TVP23A: variants seen among roughly 807,000 people sequenced by gnomAD.
TVP23A encodes trans-golgi network vesicle protein 23 homolog A, also known as Golgi apparatus membrane protein TVP23 homolog A.
TVP23A carries 21 observed loss-of-function variants against 31.7 expected under a neutral mutation model. The observed-to-expected ratio is 0.66, with a 90% CI of 0.47 to 0.95. The LOEUF is 0.95. Ranked by LOEUF, TVP23A falls within the 40% of genes least tolerant of loss-of-function variation. TVP23A has a pLI of 0.00. For missense variants in TVP23A, 279 were observed against 255.6 expected (o/e 1.09, Z -0.62); for synonymous variants, 104 against 96.0 (o/e 1.08, Z -0.49).
chr16:10,814,986 T>C (rs1329877762), intron 2 of TVP23A, among the ~76,000 whole-genome samples: 2 of 152,158 alleles, frequency 1.3e-5, no homozygotes, highest in Non-Finnish European at 2.9e-5. Context: ...ATGGTATATC[T>C]ACCCTTCCCA....
intron 2 of TVP23A, among the ~76,000 whole-genome samples, chr16:10,815,248 C>CA (rs1335986242): frequency 6.6e-6 from 1 of 151,972 alleles, no homozygotes; most frequent in African/African-American, 2.4e-5. Context: ...CAAAACAAAA[C>CA]AAAAAACATA....
Position 10,818,372 on chromosome 16 carries a change from A to C in TVP23A, c.9+113T>G. On this transcript the variant is annotated intron_variant, in intron 1 of 7. Coordinates refer to ENST00000299866, the MANE Select transcript of TVP23A (RefSeq NM_001079512.4). The surrounding 1 kb of genome is among the most constrained non-coding windows in gnomAD (Gnocchi z 4.7). ...CTCCACCCTCCCGACCACCGGGTGC[A>C]GCCCAGCCCCAGGCCCCGGCGCATC... 6.7e-7 allele frequency: 1 copy of C among 1,481,950 alleles called. No individual in the cohort carries two copies. The highest frequency in any genetic ancestry group is 2.0e-5 in the Admixed American group (1 of 50,988). 91.8% of individuals were successfully genotyped at this position (1,481,950 alleles called of 1,614,324 possible). A position where few individuals can be genotyped will look rare whatever the true frequency, so the allele number is the denominator to read the frequency against.
intron 2 of TVP23A, among the ~76,000 whole-genome samples, chr16:10,776,583 A>C (rs1188945503): frequency 6.6e-6 from 1 of 152,176 alleles, no homozygotes; most frequent in Non-Finnish European, 1.5e-5. Flanking sequence ...CCCAGTTGTT[A>C]TACCAGAAAG....
chr16:10,761,093 C>G (rs1273796540), downstream of TVP23A: 2 of 325,150 alleles, frequency 6.2e-6, no homozygotes, highest in African/African-American at 4.3e-5. Context: ...CTCGTGAAAA[C>G]TCACTATCGA....
chr16:10,770,514 G>A (rs537717417), intron 6 of TVP23A, among the ~76,000 whole-genome samples, 183 bp from the exon 7 acceptor site: 1 of 151,798 alleles, frequency 6.6e-6, no homozygotes, highest in Non-Finnish European at 1.5e-5. Flanking sequence ...GGATGAACCT[G>A]GTCAAATTTC....
intron 2 of TVP23A, among the ~76,000 whole-genome samples, chr16:10,801,185 G>C (rs2033677791): frequency 6.6e-6 from 1 of 151,438 alleles, no homozygotes; most frequent in East Asian, 1.9e-4. Flanking sequence ...GGTAGTGGAT[G>C]ACGAAAGAAA....
chr16:10,776,844 C>T (rs768335420), intron 2 of TVP23A, among the ~76,000 whole-genome samples: 105 of 152,234 alleles, frequency 6.9e-4, no homozygotes, highest in Non-Finnish European at 6.0e-4. Flanking sequence ...AACTTCCAGA[C>T]GTTGCCATGA....
At position 10,814,931 on chromosome 16, in the gene TVP23A, A is replaced by G. The variant is rs556545638; in HGVS notation, c.89+3172T>C. Among the ~76,000 whole-genome samples, 42 of 152,286 alleles carry G rather than the reference A, an allele frequency of 2.8e-4. No homozygotes were observed. In the South Asian group the frequency reaches 3.3e-3, roughly 12 times the overall value. On this transcript the variant is annotated intron_variant, in intron 2 of 7. Coordinates refer to ENST00000299866, the MANE Select transcript of TVP23A (RefSeq NM_001079512.4). ...CTTCCCAGCACCTGGGTCTTGAGCC[A>G]CATGGAACCACCCTAAATTCATGAC...
At chr16:10,761,865 T>A (rs754861381), downstream of TVP23A, 45 of 1,610,720 alleles carry the variant, frequency 2.8e-5, 2 homozygotes, top group South Asian at 4.4e-4. Context: ...CATAGGTGGG[T>A]GACCCCAGTG....
chr16:10,758,169 A>G (rs1596458916), downstream of TVP23A: 16 of 953,054 alleles, frequency 1.7e-5, no homozygotes, highest in Non-Finnish European at 2.3e-5. Flanking sequence ...GGGTCTGCAG[A>G]AACCTCGTGT....
chr16:10,757,764 G>A, downstream of TVP23A: 2 of 1,399,982 alleles, frequency 1.4e-6, no homozygotes, highest in Non-Finnish European at 2.0e-6. The surrounding 1 kb of genome is among the most constrained non-coding windows in gnomAD (Gnocchi z 4.1). Context: ...AGAGTTAAGA[G>A]CCAACCTGGG....
Position 10,766,877 on chromosome 16 carries a change from A to T in TVP23A, c.*2225T>A, listed in dbSNP as rs1567269012. ...TTACGGCATACGTCCTATGGAGAGG[A>T]CATTTCCTGTTATGGCTCAAGTGCG... On this transcript the variant is annotated 3_prime_UTR_variant, in exon 8 of 8. Coordinates refer to ENST00000299866, the MANE Select transcript of TVP23A (RefSeq NM_001079512.4). This position sits in a 1 kb window ranked among gnomAD's most constrained non-coding sequence, Gnocchi z 4.8. 1.0e-5 allele frequency: 4 copies of T among 398,412 alleles called. No individual in the cohort carries two copies. The highest frequency in any genetic ancestry group is 1.8e-5 in the Non-Finnish European group (4 of 226,074). 24.7% of individuals were successfully genotyped at this position (398,412 alleles called of 1,614,324 possible). A position where few individuals can be genotyped will look rare whatever the true frequency, so the allele number is the denominator to read the frequency against.
At chr16:10,762,478 C>T (rs1035592500), downstream of TVP23A, among the ~76,000 whole-genome samples, 18 of 152,200 alleles carry the variant, frequency 1.2e-4, no homozygotes, top group East Asian at 1.9e-4. Context: ...GGCGCCCACT[C>T]GCCGCGGGGC....
chr16:10,769,467 A>AGAT, intron 7 of TVP23A: 1 of 213,216 alleles, frequency 4.7e-6, no homozygotes, highest in South Asian at 1.1e-4. Context: ...CTGCCTGTGA[A>AGAT]GATAAGAAAG....
chr16:10,798,292 C>G (rs1203042140), intron 2 of TVP23A, among the ~76,000 whole-genome samples: 3 of 151,990 alleles, frequency 2.0e-5, no homozygotes, highest in Non-Finnish European at 4.4e-5. Context: ...GGGAAGCAGA[C>G]TACTTCCTTT....
intron 2 of TVP23A, among the ~76,000 whole-genome samples, chr16:10,793,901 C>CAAAAAAAAA (rs61392688): frequency 1.8e-4 from 7 of 39,180 alleles, no homozygotes; most frequent in African/African-American, 5.3e-4. Context: ...CCTGTCTCAC[C>CAAAAAAAAA]AAAAAAAAAA....
At chr16:10,776,860 G>A (rs558667628) in intron 2 of TVP23A, among the ~76,000 whole-genome samples, 1 of 152,254 alleles carries the variant, frequency 6.6e-6, no homozygotes, top group African/African-American at 2.4e-5. Context: ...CATGACATCT[G>A]TGAACTGTCA....
At chr16:10,801,663 C>T (rs1367636371) in intron 2 of TVP23A, among the ~76,000 whole-genome samples, 1 of 152,100 alleles carries the variant, frequency 6.6e-6, no homozygotes, top group Non-Finnish European at 1.5e-5. Context: ...ACTATGTTTC[C>T]CAGACCGGTC....
chr16:10,765,588 T>C, downstream of TVP23A, among the ~76,000 whole-genome samples: 1 of 152,158 alleles, frequency 6.6e-6, no homozygotes, highest in East Asian at 1.9e-4. The surrounding 1 kb of genome is among the most constrained non-coding windows in gnomAD (Gnocchi z 4.0). Flanking sequence ...CCCTTGCCAT[T>C]GTCTGACAGA....
Sources: allele counts gnomAD v4.1 joint callset (sites outside exome capture counted in the v4.1 genomes callset), GRCh38; gene constraint gnomAD v4.1.1; non-coding constraint Gnocchi (gnomAD v3.1); transcripts MANE v1.5; gene names NCBI Gene and HGNC (gene_info 2026-07-23, HGNC 2026-07-21).